Variants in KCNIP4 observed in about 807,000 individuals in gnomAD.
KCNIP4 encodes potassium voltage-gated channel interacting protein 4, also known as Kv channel-interacting protein 4.
Under a neutral mutation model 34.0 loss-of-function variants are expected in KCNIP4, and 12 were observed. That is an observed-to-expected ratio of 0.35 (90% confidence interval 0.23 to 0.57). KCNIP4 has a LOEUF of 0.57. KCNIP4 is among the 20% of genes least tolerant of loss of function. The probability of loss-of-function intolerance (pLI) is 0.83; values close to 1 mark genes in which losing one functional copy is unlikely to be tolerated. For synonymous variants in KCNIP4, 124 were observed against 102.2 expected (o/e 1.21, Z -1.29); for missense variants, 238 against 311.7 (o/e 0.76, Z 1.78).
At chr4:20,878,065 T>C (rs1245896708) in intron 2 of KCNIP4, among the ~76,000 whole-genome samples, 2 of 152,060 alleles carry the variant, frequency 1.3e-5, no homozygotes, top group African/African-American at 4.8e-5. Context: ...AGGTCATCAG[T>C]GGAGCTCAGC....
chr4:21,165,552 C>A lies in KCNIP4; in HGVS notation c.62-282843G>T, dbSNP rs544920839. On this transcript the variant is annotated intron_variant, in intron 1 of 8. Coordinates refer to ENST00000382152, the MANE Select transcript of KCNIP4 (RefSeq NM_025221.6). ...CTCACACCATGTACAAAAATTAACT[C>A]AAAATGCATCATAGATCTAAATATA... 2.4e-3 allele frequency among the ~76,000 whole-genome samples: 350 copies of A among 148,566 alleles called. 1 individual carries two copies. Among genetic ancestry groups the A allele is most frequent in the Non-Finnish European group, 3.8e-3 (256 of 67,460 alleles).
intron 1 of KCNIP4, among the ~76,000 whole-genome samples, chr4:21,105,800 C>T (rs183278516): frequency 0.02 from 3,070 of 151,560 alleles, 53 homozygotes; most frequent in Non-Finnish European, 0.034. Flanking sequence ...GAGTTTTTAG[C>T]ATGAAGGGTT....
At position 21,478,900 on chromosome 4, in the gene KCNIP4, A is replaced by G. The variant is rs578219223; in HGVS notation, c.61+469671T>C. Among the ~76,000 whole-genome samples the G allele has an allele frequency of 9.8e-5, 15 of 152,318 alleles. 1 individual carries two copies. The highest frequency in any genetic ancestry group is 3.6e-4 in the African/African-American group (15 of 41,594). ...GAAAAGAGAATTGGATTTCAGAGCT[A>G]GGTAACTTGGGTTAAAATTCCAACA... On this transcript the variant is annotated intron_variant, in intron 1 of 8. Coordinates refer to ENST00000382152, the MANE Select transcript of KCNIP4 (RefSeq NM_025221.6).
intron 1 of KCNIP4, among the ~76,000 whole-genome samples, chr4:20,920,143 A>C (rs1729249014): frequency 6.6e-6 from 1 of 152,174 alleles, no homozygotes; most frequent in South Asian, 2.1e-4. Context: ...AATTATATGC[A>C]ATTAGACGCA....
At chr4:21,169,739 A>G (rs926744521) in intron 1 of KCNIP4, among the ~76,000 whole-genome samples, 1 of 149,908 alleles carries the variant, frequency 6.7e-6, no homozygotes, top group African/African-American at 2.5e-5. Context: ...GGCTTCTGAT[A>G]TGAGAACCTG....
intron 1 of KCNIP4, among the ~76,000 whole-genome samples, chr4:21,582,798 C>A (rs1741333547): frequency 6.6e-6 from 1 of 151,892 alleles, no homozygotes; most frequent in Non-Finnish European, 1.5e-5. Flanking sequence ...AATGAAAATG[C>A]ACCCTCCTGA....
At chr4:21,840,908 G>A (rs1189848614) in intron 1 of KCNIP4, among the ~76,000 whole-genome samples, 1 of 152,070 alleles carries the variant, frequency 6.6e-6, no homozygotes, top group African/African-American at 2.4e-5. Context: ...TATTGCTTAT[G>A]TCATGCACCA....
intron 1 of KCNIP4, among the ~76,000 whole-genome samples, chr4:21,596,031 A>G (rs950617022): frequency 2.0e-5 from 3 of 152,078 alleles, no homozygotes; most frequent in Non-Finnish European, 4.4e-5. Context: ...CCAAATTTGC[A>G]TTAGAAGACA....
intron 3 of KCNIP4, among the ~76,000 whole-genome samples, chr4:20,764,681 G>GAGACACAC (rs1755233238): frequency 6.8e-6 from 1 of 147,108 alleles, no homozygotes; most frequent in Admixed American, 6.8e-5. Context: ...ATGGGAATTG[G>GAGACACAC]ACACACACAC....
chr4:21,614,757 G>T, intron 1 of KCNIP4, among the ~76,000 whole-genome samples: 1 of 151,676 alleles, frequency 6.6e-6, no homozygotes, highest in Non-Finnish European at 1.5e-5. Flanking sequence ...TTACAGACAC[G>T]CATTTTAAAA....
At position 21,509,768 on chromosome 4, in the gene KCNIP4, G is replaced by A. The variant is rs182659876; in HGVS notation, c.61+438803C>T. Among the ~76,000 whole-genome samples, 73 of 152,212 alleles carry A rather than the reference G, an allele frequency of 4.8e-4. No homozygotes were observed. The East Asian group carries it at 8.3e-3, about 17-fold the overall frequency. ...TCACCTGATCTTCTGGCCTGTGTTT[G>A]TACAATTATTTATTTCCATTGCTGT... On this transcript the variant is annotated intron_variant, in intron 1 of 8. Transcript: ENST00000382152.
chr4:21,056,382 C>T (rs1285473400), intron 1 of KCNIP4, among the ~76,000 whole-genome samples: 2 of 152,156 alleles, frequency 1.3e-5, no homozygotes, highest in Non-Finnish European at 2.9e-5. Flanking sequence ...GATTATCCGC[C>T]TCCATGATGA....
At chr4:21,728,617 C>G (rs1204341102) in intron 1 of KCNIP4, among the ~76,000 whole-genome samples, 2 of 152,144 alleles carry the variant, frequency 1.3e-5, no homozygotes, top group African/African-American at 4.8e-5. Flanking sequence ...GAGGAAAAAG[C>G]ACTTAAACCA....
intron 1 of KCNIP4, among the ~76,000 whole-genome samples, chr4:21,826,909 G>A (rs969309520): frequency 2.6e-5 from 4 of 151,964 alleles, no homozygotes; most frequent in Admixed American, 1.3e-4. Context: ...ATAGCAGAAG[G>A]GAGCTTGAAA....
chr4:20,754,159 G>A (rs984454840), intron 4 of KCNIP4, among the ~76,000 whole-genome samples: 6 of 152,214 alleles, frequency 3.9e-5, no homozygotes, highest in African/African-American at 1.2e-4. Context: ...TTGCCTTACA[G>A]TAGGCATACT....
At chr4:21,482,680 A>C (rs1731539670) in intron 1 of KCNIP4, among the ~76,000 whole-genome samples, 1 of 152,062 alleles carries the variant, frequency 6.6e-6, no homozygotes, top group African/African-American at 2.4e-5. Flanking sequence ...CTGAGAGATC[A>C]GCTGTTAGTC....
intron 3 of KCNIP4, among the ~76,000 whole-genome samples, chr4:20,836,996 A>G (rs1447722019): frequency 6.6e-6 from 1 of 152,030 alleles, no homozygotes; most frequent in African/African-American, 2.4e-5. Flanking sequence ...TTTTGCATCA[A>G]TATATATCCA....
chr4:21,566,454 A>C lies in KCNIP4; in HGVS notation c.61+382117T>G, dbSNP rs537229123. ...TTCTCAGGAGATCTGGTTGTTTAAA[A>C]GTTTATAGCACCTCCCCCTTCGCTC... On this transcript the variant is annotated intron_variant, in intron 1 of 8. Transcript: ENST00000382152. Among the ~76,000 whole-genome samples, 11 of 152,166 alleles carry C rather than the reference A, an allele frequency of 7.2e-5. No homozygotes were observed. The South Asian group carries it at 2.3e-3, about 32-fold the overall frequency.
intron 1 of KCNIP4, among the ~76,000 whole-genome samples, chr4:21,080,197 C>T (rs566342691): frequency 6.6e-6 from 1 of 151,878 alleles, no homozygotes; most frequent in African/African-American, 2.4e-5. Context: ...CAACTGCTAG[C>T]TCTGTGATCC....
Sources: allele counts gnomAD v4.1 joint callset (sites outside exome capture counted in the v4.1 genomes callset), GRCh38; gene constraint gnomAD v4.1.1; transcripts MANE v1.5; gene names NCBI Gene and HGNC (gene_info 2026-07-23, HGNC 2026-07-21).